DLGAP2: variants seen among roughly 807,000 people sequenced by gnomAD.
DLGAP2 encodes the protein DLG associated protein 2.
In DLGAP2, 26 loss-of-function variants were observed where a neutral mutation model predicts 100.3. The observed-to-expected ratio is 0.26, with a 90% CI of 0.19 to 0.36. DLGAP2 has a LOEUF of 0.36. DLGAP2 is among the 10% of genes least tolerant of loss of function. DLGAP2 has a pLI of 1.00. For synonymous variants in DLGAP2, 886 were observed against 630.1 expected, an observed-to-expected ratio of 1.41 and a Z score of -6.08; for missense variants, 1,858 against 1,453.2, an observed-to-expected ratio of 1.28 and a Z score of -4.53.
intron 2 of DLGAP2, among the ~76,000 whole-genome samples, chr8:1,000,273 G>C (rs1416455392): frequency 6.6e-6 from 1 of 151,546 alleles, no homozygotes; most frequent in Admixed American, 6.6e-5. Flanking sequence ...CTCTAGAGCG[G>C]ACAGATCCGG....
intron 2 of DLGAP2, among the ~76,000 whole-genome samples, chr8:1,202,615 GTCAC>G (rs1797903667): frequency 6.6e-6 from 1 of 152,184 alleles, no homozygotes; most frequent in Non-Finnish European, 1.5e-5. Flanking sequence ...ACACGGGACA[GTCAC>G]AGGCAGAGGC....
chr8:1,382,566 T>C (rs929224207), intron 3 of DLGAP2, among the ~76,000 whole-genome samples: 1 of 152,152 alleles, frequency 6.6e-6, no homozygotes, highest in African/African-American at 2.4e-5. Context: ...TGAGACCCCA[T>C]CTCTACAAAA....
intron 2 of DLGAP2, among the ~76,000 whole-genome samples, chr8:1,188,719 G>A (rs1296081605): frequency 1.3e-5 from 2 of 152,196 alleles, no homozygotes; most frequent in African/African-American, 4.8e-5. Flanking sequence ...CAGATGAACA[G>A]TAATCATGAG....
chr8:1,422,010 A>G (rs1055251040), intron 3 of DLGAP2, among the ~76,000 whole-genome samples: 2 of 152,216 alleles, frequency 1.3e-5, no homozygotes, highest in East Asian at 3.9e-4. Context: ...CGGGTAAAAC[A>G]GTTAGCAATC....
intron 1 of DLGAP2, among the ~76,000 whole-genome samples, chr8:784,745 G>A (rs1400011832): frequency 6.6e-6 from 1 of 152,238 alleles, no homozygotes; most frequent in African/African-American, 2.4e-5. Flanking sequence ...ACGGGCCCAT[G>A]CCTGTGAAGA....
chr8:1,461,283 C>T (rs571652394), intron 3 of DLGAP2, among the ~76,000 whole-genome samples: 1,506 of 65,204 alleles, frequency 0.023, 246 homozygotes, highest in African/African-American at 0.1. Context: ...TGGGTGCAGT[C>T]GCTGATTCGG....
intron 3 of DLGAP2, among the ~76,000 whole-genome samples, chr8:1,339,512 C>A (rs1801371304): frequency 6.6e-6 from 1 of 152,178 alleles, no homozygotes; most frequent in African/African-American, 2.4e-5. Flanking sequence ...CAGCACTGTC[C>A]CCTGACACCC....
intron 3 of DLGAP2, among the ~76,000 whole-genome samples, chr8:1,381,782 A>AGTGTGTGT (rs72529197): frequency 0.065 from 9,258 of 141,638 alleles, 324 homozygotes; most frequent in Non-Finnish European, 0.086. Flanking sequence ...GGGTTATTCT[A>AGTGTGTGT]GTGTGTGTGT....
At chr8:1,132,962 A>AGGCCTT (rs1796328007) in intron 2 of DLGAP2, among the ~76,000 whole-genome samples, 1 of 152,198 alleles carries the variant, frequency 6.6e-6, no homozygotes, top group African/African-American at 2.4e-5. Flanking sequence ...CAAGGCCCTC[A>AGGCCTT]GGGAGAAATT....
chr8:937,271 C>G (rs183103356), intron 2 of DLGAP2, among the ~76,000 whole-genome samples: 6 of 152,172 alleles, frequency 3.9e-5, no homozygotes, highest in African/African-American at 1.4e-4. Flanking sequence ...CATGCTGTTT[C>G]TTATGGATTC....
intron 1 of DLGAP2, among the ~76,000 whole-genome samples, chr8:847,913 T>C (rs1006831117): frequency 1.3e-5 from 2 of 152,218 alleles, no homozygotes; most frequent in East Asian, 3.8e-4. Flanking sequence ...TTATTTTGAC[T>C]TTTAGCTTGG....
chr8:1,186,926 G>T (rs369799221), intron 2 of DLGAP2, among the ~76,000 whole-genome samples: 37 of 152,250 alleles, frequency 2.4e-4, no homozygotes, highest in African/African-American at 7.2e-4. Context: ...TTGGGAAATT[G>T]TGTGGGGCAG....
rs560645467 is a variant in DLGAP2 at position 788,913 on chromosome 8, A to C, written c.18+51088A>C. The stretch of plus-strand genomic sequence containing the variant: ...TCCTGGTGAGACACCTTTAGCCTCA[A>C]GTGGGAAGCACAGATGGTTCCTGTG... On this transcript the variant is annotated intron_variant, in intron 1 of 14. Transcript: ENST00000637795. 1.2e-4 allele frequency among the ~76,000 whole-genome samples: 18 copies of C among 152,308 alleles called. No homozygotes were observed. In the South Asian group the frequency reaches 3.3e-3, roughly 28 times the overall value.
At chr8:1,240,163 C>T (rs112022725) in intron 2 of DLGAP2, among the ~76,000 whole-genome samples, 2 of 144,872 alleles carry the variant, frequency 1.4e-5, no homozygotes, top group Non-Finnish European at 3.0e-5. Flanking sequence ...TACATAGTGT[C>T]ATGTCTAGTT....
At chr8:936,571 G>A (rs889803957) in intron 2 of DLGAP2, among the ~76,000 whole-genome samples, 5 of 152,172 alleles carry the variant, frequency 3.3e-5, no homozygotes, top group Admixed American at 3.3e-4. Context: ...TAGACATGAC[G>A]GATGACAGAA....
Position 865,908 on chromosome 8 carries a change from G to A in DLGAP2, c.19-42004G>A, listed in dbSNP as rs58687055. Among the ~76,000 whole-genome samples, 963 of 152,296 alleles carry A rather than the reference G, an allele frequency of 6.3e-3. 9 individuals carry two copies. The highest frequency in any genetic ancestry group is 0.022 in the African/African-American group (900 of 41,562). On this transcript the variant is annotated intron_variant, in intron 1 of 14. Transcript: ENST00000637795. ...GAACAGCTGCTGAATGCATTCACTT[G>A]AAATAAGAACATCTTTTTCTGGCCC...
intron 2 of DLGAP2, among the ~76,000 whole-genome samples, chr8:1,156,695 C>G (rs1796798460): frequency 2.6e-5 from 4 of 151,932 alleles, no homozygotes; most frequent in Admixed American, 2.0e-4. Flanking sequence ...CACCCCAGCT[C>G]AGCAACCCGG....
At chr8:1,233,857 C>T (rs1798588183) in intron 2 of DLGAP2, among the ~76,000 whole-genome samples, 1 of 152,154 alleles carries the variant, frequency 6.6e-6, no homozygotes, top group South Asian at 2.1e-4. Context: ...AGCTAAACCA[C>T]TGTCCTCTAC....
chr8:777,491 G>A (rs1821557222), intron 1 of DLGAP2, among the ~76,000 whole-genome samples: 1 of 151,756 alleles, frequency 6.6e-6, no homozygotes, highest in Non-Finnish European at 1.5e-5. Flanking sequence ...GCTGGTACCA[G>A]TTGTTCCTTT....
Sources: gnomAD v4.1 joint callset for allele counts (sites outside exome capture counted in the v4.1 genomes callset) on GRCh38, gnomAD v4.1.1 for gene constraint, MANE v1.5 for transcripts, NCBI Gene and HGNC (gene_info 2026-07-23, HGNC 2026-07-21) for gene names.